Variants in TAFA1 observed in about 807,000 individuals in gnomAD.
The protein encoded by TAFA1 is TAFA chemokine like family member 1.
TAFA1 carries 4 observed loss-of-function variants against 18.5 expected under a neutral mutation model. The observed-to-expected ratio is 0.22, with a 90% CI of 0.11 to 0.49. The LOEUF is 0.49. Among genes scored for constraint, TAFA1 ranks in the 20% least tolerant of loss-of-function variants. The probability of loss-of-function intolerance (pLI) is 0.98; values close to 1 mark genes in which losing one functional copy is unlikely to be tolerated. For synonymous variants in TAFA1, 56 were observed against 55.2 expected (o/e 1.01, Z -0.06); for missense variants, 147 against 169.0 (o/e 0.87, Z 0.72).
chr3:68,147,729 T>C (rs1194207197), intron 2 of TAFA1, among the ~76,000 whole-genome samples: 2 of 152,154 alleles, frequency 1.3e-5, no homozygotes. Context: ...GTGAATTCCA[T>C]CTCTGGCTCT....
At chr3:68,042,382 G>T (rs1705183206) in intron 2 of TAFA1, among the ~76,000 whole-genome samples, 1 of 152,182 alleles carries the variant, frequency 6.6e-6, no homozygotes, top group Admixed American at 6.5e-5. Flanking sequence ...GGGCACAGTG[G>T]CTCATGCCTG....
At chr3:68,401,452 G>A (rs1389855185) in intron 2 of TAFA1, among the ~76,000 whole-genome samples, 2 of 152,132 alleles carry the variant, frequency 1.3e-5, no homozygotes, top group Non-Finnish European at 2.9e-5. Flanking sequence ...CTAAAGTTCA[G>A]CGCCCTGCTT....
chr3:68,376,216 G>A lies in TAFA1; in HGVS notation c.119-41064G>A, dbSNP rs555430414. ...TTAAGTGGTTCAGTGTTTAATCTTG[G>A]AATCGAGTTATTTGGAATTCTATCC... On this transcript the variant is annotated intron_variant, in intron 2 of 4. Coordinates refer to ENST00000478136, the MANE Select transcript of TAFA1 (RefSeq NM_213609.4). Among the ~76,000 whole-genome samples, 84 of 151,894 alleles carry A rather than the reference G, an allele frequency of 5.5e-4. 1 individual carries two copies. The highest frequency in any genetic ancestry group is 1.9e-3 in the African/African-American group (77 of 41,438).
chr3:68,364,908 C>G (rs1002938670), intron 2 of TAFA1, among the ~76,000 whole-genome samples: 4 of 152,172 alleles, frequency 2.6e-5, no homozygotes, highest in African/African-American at 7.2e-5. Flanking sequence ...AAAGGTCACA[C>G]AGTCAGAAAG....
intron 2 of TAFA1, among the ~76,000 whole-genome samples, chr3:68,322,069 T>C (rs1308768408): frequency 6.6e-6 from 1 of 152,182 alleles, no homozygotes; most frequent in Non-Finnish European, 1.5e-5. Context: ...GAATTTTACA[T>C]ACTTAAATTT....
At chr3:68,520,289 T>C (rs4855489) in intron 3 of TAFA1, among the ~76,000 whole-genome samples, 33,210 of 152,086 alleles carry the variant, frequency 0.22, 4,594 homozygotes, top group East Asian at 0.48. Context: ...AGAGATAGAT[T>C]TCAGCCTGCC....
chr3:68,327,451 G>C (rs2068795571), intron 2 of TAFA1, among the ~76,000 whole-genome samples: 1 of 152,154 alleles, frequency 6.6e-6, no homozygotes, highest in Non-Finnish European at 1.5e-5. Flanking sequence ...GATACAACAT[G>C]AGTGAAGTAT....
At chr3:68,377,488 G>A (rs141003693) in intron 2 of TAFA1, among the ~76,000 whole-genome samples, 1 of 152,268 alleles carries the variant, frequency 6.6e-6, no homozygotes, top group African/African-American at 2.4e-5. Flanking sequence ...GAGATGATCT[G>A]AAATTGGAAT....
chr3:68,208,036 T>G (rs1047232075), intron 2 of TAFA1, among the ~76,000 whole-genome samples: 4 of 151,902 alleles, frequency 2.6e-5, no homozygotes, highest in Non-Finnish European at 4.4e-5. Context: ...TTTACATTCA[T>G]TTGAATGTAA....
intron 2 of TAFA1, among the ~76,000 whole-genome samples, chr3:68,329,310 C>T (rs1430878558): frequency 6.7e-6 from 1 of 149,768 alleles, no homozygotes; most frequent in East Asian, 2.0e-4. Flanking sequence ...TCGTGATCCA[C>T]CTGCCTTGGC....
At chr3:68,527,528 A>T (rs1456260214) in intron 3 of TAFA1, among the ~76,000 whole-genome samples, 15 of 152,154 alleles carry the variant, frequency 9.9e-5, no homozygotes, top group Admixed American at 9.8e-4. Context: ...TAATTACTTA[A>T]TGGTTAAATT....
chr3:68,379,288 TCAC>T (rs1575817878), intron 2 of TAFA1, among the ~76,000 whole-genome samples: 1 of 152,234 alleles, frequency 6.6e-6, no homozygotes, highest in Non-Finnish European at 1.5e-5. Flanking sequence ...ATATGATTGT[TCAC>T]CACATGTATG....
chr3:68,137,006 A>T (rs2106893744), intron 2 of TAFA1, among the ~76,000 whole-genome samples: 1 of 152,320 alleles, frequency 6.6e-6, no homozygotes, highest in African/African-American at 2.4e-5. Context: ...ATTTTTCAAG[A>T]ATATAAGTTT....
intron 2 of TAFA1, among the ~76,000 whole-genome samples, chr3:68,049,830 C>T (rs2064444025): frequency 6.6e-6 from 1 of 151,966 alleles, no homozygotes; most frequent in South Asian, 2.1e-4. Context: ...TTTTTCCACC[C>T]TCAAATGGCT....
chr3:68,127,289 G>A (rs1332013363), intron 2 of TAFA1, among the ~76,000 whole-genome samples: 1 of 152,122 alleles, frequency 6.6e-6, no homozygotes, highest in Non-Finnish European at 1.5e-5. Context: ...CATTGGCAAT[G>A]TGTGAGAGAG....
At chr3:68,286,806 A>T (rs1439233119) in intron 2 of TAFA1, among the ~76,000 whole-genome samples, 2 of 152,190 alleles carry the variant, frequency 1.3e-5, no homozygotes, top group African/African-American at 2.4e-5. Context: ...TAGAAGGGTA[A>T]GAGAGAAAAC....
chr3:68,286,612 A>G (rs2068013511), intron 2 of TAFA1, among the ~76,000 whole-genome samples: 1 of 152,198 alleles, frequency 6.6e-6, no homozygotes, highest in South Asian at 2.1e-4. Context: ...TAGGAATTGC[A>G]AAAACCATCT....
chr3:68,498,145 A>G (rs989663641), intron 3 of TAFA1, among the ~76,000 whole-genome samples: 28 of 152,318 alleles, frequency 1.8e-4, no homozygotes, highest in Middle Eastern at 6.8e-3. Flanking sequence ...TGGTTGTTGT[A>G]TAACCTTTTG....
At chr3:68,444,813 A>AT in intron 3 of TAFA1, among the ~76,000 whole-genome samples, 1 of 134,200 alleles carries the variant, frequency 7.5e-6, no homozygotes, top group Admixed American at 7.5e-5. Flanking sequence ...TATATATATA[A>AT]AATAAATTAA....
Sources: allele counts gnomAD v4.1 joint callset (sites outside exome capture counted in the v4.1 genomes callset), GRCh38; gene constraint gnomAD v4.1.1; transcripts MANE v1.5; gene names NCBI Gene and HGNC (gene_info 2026-07-23, HGNC 2026-07-21).